TMEM132B: variants seen among roughly 807,000 people sequenced by gnomAD.
The protein encoded by TMEM132B is transmembrane protein 132B.
A neutral mutation model predicts 90.8 loss-of-function variants in TMEM132B; 18 were observed. The ratio of observed to expected loss-of-function variants is 0.20; its 90% confidence interval spans 0.14 to 0.29. TMEM132B has a LOEUF of 0.29. TMEM132B is among the 10% of genes least tolerant of loss of function. The pLI is 1.00. For synonymous variants in TMEM132B, 504 were observed against 523.3 expected (o/e 0.96, Z 0.50); for missense variants, 1,096 against 1,326.8 (o/e 0.83, Z 2.70).
At chr12:125,585,581 C>G (rs1885160862) in intron 5 of TMEM132B, 1 of 152,134 alleles carries the variant, frequency 6.6e-6, no homozygotes, top group Non-Finnish European at 1.5e-5. Flanking sequence ...TTTGTTCTGA[C>G]CTAAGAGCCT....
At chr12:125,476,472 T>G (rs182218710) in intron 3 of TMEM132B, among the ~76,000 whole-genome samples, 115 of 152,356 alleles carry the variant, frequency 7.5e-4, no homozygotes, top group African/African-American at 2.6e-3. Context: ...CAGAACTTCA[T>G]TCCTTTTAAT....
At chr12:125,405,728 A>T (rs1162421861) in intron 2 of TMEM132B, among the ~76,000 whole-genome samples, 1 of 152,194 alleles carries the variant, frequency 6.6e-6, no homozygotes, top group Non-Finnish European at 1.5e-5. Context: ...TCGCATTTGT[A>T]AGTCTAGGAT....
intron 5 of TMEM132B, among the ~76,000 whole-genome samples, chr12:125,611,879 G>T (rs1885836365): frequency 6.6e-6 from 1 of 152,084 alleles, no homozygotes; most frequent in Non-Finnish European, 1.5e-5. Flanking sequence ...TATGTATTTT[G>T]TTGTTGTTTT....
At chr12:125,457,174 T>C (rs922977149) in intron 3 of TMEM132B, among the ~76,000 whole-genome samples, 5 of 152,218 alleles carry the variant, frequency 3.3e-5, no homozygotes, top group African/African-American at 1.2e-4. Context: ...GACAGGAAGC[T>C]GATGGACAGG....
chr12:125,241,945 G>A (rs376057838), intron 1 of TMEM132B, among the ~76,000 whole-genome samples: 5 of 152,304 alleles, frequency 3.3e-5, no homozygotes, highest in East Asian at 3.9e-4. Context: ...AGACCCGTGG[G>A]GAGCATGGCA....
At chr12:125,583,169 G>T (rs1045416056) in intron 4 of TMEM132B, among the ~76,000 whole-genome samples, 2 of 152,164 alleles carry the variant, frequency 1.3e-5, no homozygotes, top group Non-Finnish European at 2.9e-5. Context: ...TGGCAGTGGG[G>T]ATGGCAAATA....
At chr12:125,585,656 C>T (rs1405456494) in intron 5 of TMEM132B, 10 of 152,244 alleles carry the variant, frequency 6.6e-5, no homozygotes, top group Non-Finnish European at 1.2e-4. Flanking sequence ...TCTAGAGGGG[C>T]AGGTCCAAGT....
At chr12:125,281,825 G>A (rs1438520114) in intron 1 of TMEM132B, among the ~76,000 whole-genome samples, 1 of 151,788 alleles carries the variant, frequency 6.6e-6, no homozygotes, top group Admixed American at 6.6e-5. Context: ...TCAGGAGATC[G>A]AGACCATTCT....
At chr12:125,350,865 A>T (rs1442198054) in intron 2 of TMEM132B, among the ~76,000 whole-genome samples, 1 of 152,224 alleles carries the variant, frequency 6.6e-6, no homozygotes, top group Non-Finnish European at 1.5e-5. Flanking sequence ...GCGTATCATC[A>T]GGTGTGCATT....
chr12:125,584,170 G>C, intron 5 of TMEM132B, 176 bp downstream of exon 5: 1 of 814,736 alleles, frequency 1.2e-6, no homozygotes, highest in Non-Finnish European at 2.0e-6. Flanking sequence ...ATCAGCAGGC[G>C]GCTGCAGCAG....
chr12:125,270,112 TTG>T (rs59168219), intron 1 of TMEM132B, among the ~76,000 whole-genome samples: 41,261 of 143,070 alleles, frequency 0.29, 6,629 homozygotes, highest in East Asian at 0.43. Flanking sequence ...CACATCTTTG[TTG>T]TGTGTGTGTG....
At chr12:125,336,509 A>G (rs748548) in intron 1 of TMEM132B, among the ~76,000 whole-genome samples, 82,052 of 152,168 alleles carry the variant, frequency 0.54, 23,864 homozygotes, top group African/African-American at 0.74. Flanking sequence ...GTTTAGACTT[A>G]CATGGTTTGC....
intron 3 of TMEM132B, among the ~76,000 whole-genome samples, chr12:125,416,678 T>C (rs1880024280): frequency 6.6e-6 from 1 of 152,230 alleles, no homozygotes; most frequent in South Asian, 2.1e-4. Context: ...CTGCCTGCTT[T>C]TGAAGATCTC....
At chr12:125,320,161 G>A (rs1035384914) in intron 1 of TMEM132B, among the ~76,000 whole-genome samples, 1 of 152,228 alleles carries the variant, frequency 6.6e-6, no homozygotes, top group Admixed American at 6.5e-5. Context: ...GAGCCTCACC[G>A]TCCTGCTGGA....
At chr12:125,534,552 C>T (rs569072014) in intron 4 of TMEM132B, among the ~76,000 whole-genome samples, 1 of 152,170 alleles carries the variant, frequency 6.6e-6, no homozygotes, top group South Asian at 2.1e-4. Context: ...CAAACCAAAC[C>T]CAGACAACAA....
intron 1 of TMEM132B, among the ~76,000 whole-genome samples, chr12:125,314,738 G>A (rs912155396): frequency 6.6e-6 from 1 of 152,240 alleles, no homozygotes. Flanking sequence ...GGGGTTAGGA[G>A]CTGGGATGAG....
At chr12:125,444,370 G>T (rs916894737) in intron 3 of TMEM132B, among the ~76,000 whole-genome samples, 3 of 151,688 alleles carry the variant, frequency 2.0e-5, no homozygotes, top group Non-Finnish European at 2.9e-5. Flanking sequence ...CTTTCTTTTG[G>T]CTTAATATTT....
intron 1 of TMEM132B, among the ~76,000 whole-genome samples, chr12:125,195,394 GT>G (rs36005995): frequency 0.016 from 1,452 of 89,876 alleles, 19 homozygotes; most frequent in African/African-American, 0.056. Flanking sequence ...GGGTTTGCGG[GT>G]TTTTTTTTTT....
intron 3 of TMEM132B, among the ~76,000 whole-genome samples, chr12:125,473,013 C>T (rs1022140309): frequency 1.3e-5 from 2 of 152,206 alleles, no homozygotes; most frequent in Non-Finnish European, 1.5e-5. Flanking sequence ...TAATACCCGT[C>T]ATCTGTCTTC....
Sources: allele counts gnomAD v4.1 joint callset (sites outside exome capture counted in the v4.1 genomes callset), GRCh38; gene constraint gnomAD v4.1.1; transcripts MANE v1.5; gene names NCBI Gene and HGNC (gene_info 2026-07-23, HGNC 2026-07-21).